Variants in CDC34 observed in about 807,000 individuals in gnomAD.
The protein encoded by CDC34 is ubiquitin-conjugating enzyme E2 R1.
In CDC34, 18 loss-of-function variants were observed where a neutral mutation model predicts 26.8. The observed-to-expected ratio is 0.67, with a 90% CI of 0.47 to 1.00. The LOEUF (loss-of-function observed/expected upper bound fraction) is 1.00, where lower values mean the gene tolerates loss of function less well. Ranked by LOEUF, CDC34 falls within the 50% of genes least tolerant of loss-of-function variation. The pLI is 0.00. For missense variants in CDC34, 280 were observed against 334.5 expected, an observed-to-expected ratio of 0.84 and a Z score of 1.27; for synonymous variants, 178 against 147.5, an observed-to-expected ratio of 1.21 and a Z score of -1.50.
At chr19:532,135 C>A in intron 1 of CDC34, 27 bp downstream of exon 1, 1 of 1,473,776 alleles carries the variant, frequency 6.8e-7, no homozygotes, top group Middle Eastern at 1.8e-4. Context: ...CCGCCCGGGT[C>A]CCGGAGCCCA....
Position 536,250 on chromosome 19 carries a change from A to G in CDC34, c.272A>G (p.Asp91Gly). 1 of 1,604,416 alleles carries G rather than the reference A, an allele frequency of 6.2e-7. No individual in the cohort carries two copies. The highest frequency in any genetic ancestry group is 2.2e-5 in the East Asian group (1 of 44,452). Residue 91 changes from aspartate (D) to glycine (G), a missense_variant, in exon 3 of 5, where the codon GAC becomes GGC. Transcript: ENST00000215574. ...TGTCTTCTTCTTGTGCAGACGGGGG[A>G]CGTGTGTATCTCCATCCTCCACCCG... ...MWHPNIYETG[D>G]VCISILHPPV...
chr19:541,095 C>G (rs16990625), intron 4 of CDC34: 5 of 471,620 alleles, frequency 1.1e-5, no homozygotes, highest in Admixed American at 7.8e-5. Context: ...GCGGGGCAGG[C>G]GGGTGTGACT....
chr19:538,874 C>T (rs867273136), intron 4 of CDC34: 4 of 985,184 alleles, frequency 4.1e-6, no homozygotes, highest in East Asian at 1.1e-4. Context: ...CTGCCCTGGC[C>T]GTCCCTCTGG....
chr19:538,536 T>G (rs75466060), intron 4 of CDC34: 3 of 23,150 alleles, frequency 1.3e-4, no homozygotes, highest in Non-Finnish European at 1.2e-3. Flanking sequence ...TTCCTATCCA[T>G]TTTTTTTTTT....
rs1980026732 is a variant in CDC34 at position 541,697 on chromosome 19, G to C, written c.*145G>C. On this transcript the variant is annotated 3_prime_UTR_variant, in exon 5 of 5. Coordinates refer to ENST00000215574, the MANE Select transcript of CDC34 (RefSeq NM_004359.2). Reference sequence around the variant, plus strand: ...TGGCTTTTTCTCCCTCCCCATGTCTGTTCTGGGTTTTCACGTGCTTCAGAG... The same window carrying C: ...TGGCTTTTTCTCCCTCCCCATGTCTCTTCTGGGTTTTCACGTGCTTCAGAG... 1.1e-6 allele frequency: 1 copy of C among 897,700 alleles called. No individual in the cohort carries two copies. The highest frequency in any genetic ancestry group is 1.7e-5 in the African/African-American group (1 of 58,904). 55.6% of individuals were successfully genotyped at this position (897,700 alleles called of 1,614,324 possible).
chr19:541,252 G>A, intron 4 of CDC34, 87 bp from the exon 5 acceptor site: 2 of 1,437,736 alleles, frequency 1.4e-6, no homozygotes, highest in Non-Finnish European at 1.8e-6. Context: ...TGAGCGTTGG[G>A]GTGAGCGTCG....
chr19:535,753 A>C, intron 1 of CDC34, 84 bp from the exon 2 acceptor site: 1 of 997,140 alleles, frequency 1.0e-6, no homozygotes, highest in Non-Finnish European at 1.6e-6. Flanking sequence ...CAGCACTGGG[A>C]GTGGGATGGC....
At chr19:540,729 C>T (rs780063682) in intron 4 of CDC34, among the ~76,000 whole-genome samples, 2 of 56,500 alleles carry the variant, frequency 3.5e-5, no homozygotes, top group African/African-American at 5.2e-5. Flanking sequence ...GCCAGGCCCC[C>T]GGGTTTAGAA....
Position 536,446 on chromosome 19 carries a change from G to C in CDC34, c.362+106G>C, listed in dbSNP as rs1022849199. On this transcript the variant is annotated intron_variant, in intron 3 of 4. Coordinates refer to ENST00000215574, the MANE Select transcript of CDC34 (RefSeq NM_004359.2). ...TAGGCCGGGCTCCCCCACAGGCTGT[G>C]GCGCCAAGGCCTGATTCGGGACCTG... The C allele has an allele frequency of 1.2e-5, 10 of 839,108 alleles. No homozygotes were observed. The African/African-American group carries it at 1.4e-4, about 11-fold the overall frequency. 52.0% of individuals were successfully genotyped at this position (839,108 alleles called of 1,614,324 possible).
intron 1 of CDC34, among the ~76,000 whole-genome samples, chr19:533,480 C>T (rs1182263444): frequency 6.6e-6 from 1 of 152,250 alleles, no homozygotes; most frequent in African/African-American, 2.4e-5. Context: ...CATCTGGAAT[C>T]CTGCGTCCCC....
chr19:531,848 G>A lies in CDC34; in HGVS notation c.-84G>A. 3 of 883,814 alleles carry A rather than the reference G, an allele frequency of 3.4e-6. No individual in the cohort carries two copies. The highest frequency in any genetic ancestry group is 4.3e-6 in the Non-Finnish European group (3 of 695,394). 54.7% of individuals were successfully genotyped at this position (883,814 alleles called of 1,614,324 possible). A position where few individuals can be genotyped will look rare whatever the true frequency, so the allele number is the denominator to read the frequency against. ...CGGCCCCGGTGGCTCCCCCCCGGACGGTGCGCGGCCCGGCCCGTCTCGCGA... is the reference window on the plus strand; with the variant it reads ...CGGCCCCGGTGGCTCCCCCCCGGACAGTGCGCGGCCCGGCCCGTCTCGCGA... On this transcript the variant is annotated 5_prime_UTR_variant, in exon 1 of 5. Transcript: ENST00000215574.
chr19:536,224 C>T lies in CDC34; in HGVS notation c.265-19C>T, dbSNP rs938819085. On this transcript the variant is annotated intron_variant, in intron 2 of 4. Coordinates refer to ENST00000215574, the MANE Select transcript of CDC34 (RefSeq NM_004359.2). ...GTGCTGACCTCTGACCTGTTCTGAC[C>T]TGTCTTCTTCTTGTGCAGACGGGGG... is the stretch of plus-strand genomic sequence containing the variant. 3 of 1,590,910 alleles carry T rather than the reference C, an allele frequency of 1.9e-6. No individual in the cohort carries two copies. The highest frequency in any genetic ancestry group is 1.3e-5 in the African/African-American group (1 of 74,600).
At chr19:532,414 G>A (rs1979536288) in intron 1 of CDC34, among the ~76,000 whole-genome samples, 2 of 152,350 alleles carry the variant, frequency 1.3e-5, no homozygotes, top group East Asian at 1.9e-4. Context: ...CCTCCCTGTA[G>A]CATCTGGGCG....
intron 3 of CDC34, chr19:536,670 C>T (rs972980269): frequency 9.3e-6 from 5 of 535,812 alleles, no homozygotes; most frequent in African/African-American, 1.9e-5. Context: ...CCTCGTGCCA[C>T]GTGTGCCGCC....
At chr19:537,312 G>A (rs1192348247) in intron 4 of CDC34, among the ~76,000 whole-genome samples, 165 bp downstream of exon 4, 7 of 152,306 alleles carry the variant, frequency 4.6e-5, no homozygotes, top group South Asian at 2.1e-4. Context: ...GCCGAGTGGC[G>A]GAGGGTCCAG....
chr19:532,250 G>T, intron 1 of CDC34, 142 bp downstream of exon 1: 1 of 582,582 alleles, frequency 1.7e-6, no homozygotes. Flanking sequence ...CCCTTCTATG[G>T]CCACGTTCCC....
chr19:536,770 C>T, intron 3 of CDC34: 1 of 572,138 alleles, frequency 1.7e-6, no homozygotes, highest in Non-Finnish European at 3.1e-6. Flanking sequence ...GTGAGGGCAG[C>T]CCCGGGTCTG....
At chr19:535,733 C>A in intron 1 of CDC34, 104 bp from the exon 2 acceptor site, 1 of 872,916 alleles carries the variant, frequency 1.1e-6, no homozygotes, top group South Asian at 1.3e-5. Flanking sequence ...TCACACACAC[C>A]CTCAGGCACC....
intron 4 of CDC34, among the ~76,000 whole-genome samples, chr19:539,340 C>A (rs1217545305): frequency 2.0e-5 from 3 of 150,568 alleles, no homozygotes; most frequent in Non-Finnish European, 3.0e-5. Flanking sequence ...GTCCCCGGGG[C>A]ACCGTCACCC....
Sources: allele counts gnomAD v4.1 joint callset (sites outside exome capture counted in the v4.1 genomes callset), GRCh38; gene constraint gnomAD v4.1.1; transcripts MANE v1.5; gene names NCBI Gene and HGNC (gene_info 2026-07-23, HGNC 2026-07-21).